Variants in PREX2 observed in about 807,000 individuals in gnomAD.
The protein encoded by PREX2 is phosphatidylinositol-3,4,5-trisphosphate dependent Rac exchange factor 2.
PREX2 carries 107 observed loss-of-function variants against 203.2 expected under a neutral mutation model. The observed-to-expected ratio is 0.53, with a 90% CI of 0.45 to 0.62. PREX2 has a LOEUF of 0.62. Among genes scored for constraint, PREX2 ranks in the 20% least tolerant of loss-of-function variants. The probability of loss-of-function intolerance (pLI) is 0.00; values close to 1 mark genes in which losing one functional copy is unlikely to be tolerated. For missense variants in PREX2, 1,777 were observed against 1,955.9 expected (o/e 0.91, Z 1.72); for synonymous variants, 672 against 663.6 (o/e 1.01, Z -0.19).
intron 1 of PREX2, among the ~76,000 whole-genome samples, chr8:67,986,254 C>T (rs1325147003): frequency 6.6e-6 from 1 of 152,204 alleles, no homozygotes; most frequent in Non-Finnish European, 1.5e-5. Context: ...AGAGAGTAGG[C>T]ACTCTTATAG....
At chr8:68,145,506 G>T (rs1811307627) in intron 33 of PREX2, among the ~76,000 whole-genome samples, 1 of 152,122 alleles carries the variant, frequency 6.6e-6, no homozygotes, top group East Asian at 1.9e-4. Flanking sequence ...TGGTTATTAT[G>T]ACTATTCAGC....
chr8:68,055,869 T>C lies in PREX2; in HGVS notation c.1133T>C (p.Ile378Thr). 1 of 1,613,694 alleles carries C rather than the reference T, an allele frequency of 6.2e-7. No homozygotes were observed. Among genetic ancestry groups the C allele is most frequent in the Non-Finnish European group, 8.5e-7 (1 of 1,179,744 alleles). Residue 378 changes from isoleucine (I) to threonine (T), a missense_variant, in exon 10 of 40, where the codon ATC becomes ACC. Coordinates refer to ENST00000288368, the MANE Select transcript of PREX2 (RefSeq NM_024870.4). ...LGMEQDTWVMISEQGEKLYKM... is the reference protein window; with the variant it reads ...LGMEQDTWVMTSEQGEKLYKM... The stretch of plus-strand genomic sequence containing the variant: ...ATGGAGCAAGATACCTGGGTCATGA[T>C]CTCTGAACAGGGTGAGAAACTTTAT...
intron 14 of PREX2, among the ~76,000 whole-genome samples, chr8:68,073,541 T>G (rs1357913285): frequency 6.6e-6 from 1 of 152,208 alleles, no homozygotes; most frequent in Non-Finnish European, 1.5e-5. Context: ...TTAATATTAT[T>G]TTTAGGCTGT....
chr8:68,143,846 A>C (rs1426733545), intron 33 of PREX2, among the ~76,000 whole-genome samples: 1 of 152,148 alleles, frequency 6.6e-6, no homozygotes, highest in Non-Finnish European at 1.5e-5. Flanking sequence ...TCTATAATTC[A>C]TTTTGGGTTA....
chr8:68,014,448 G>A lies in PREX2; in HGVS notation c.142-3398G>A, dbSNP rs565676898. ...GCAAGCTGAAAGATCCTCGGGGTGC[G>A]GGGGGGGCGGCATATGTGAGAGCCT... On this transcript the variant is annotated intron_variant, in intron 1 of 39. Transcript: ENST00000288368. Among the ~76,000 whole-genome samples, 8 of 148,102 alleles carry A rather than the reference G, an allele frequency of 5.4e-5. No individual in the cohort carries two copies. The East Asian group carries it at 1.2e-3, about 22-fold the overall frequency.
At chr8:68,002,568 A>G (rs1483962812) in intron 1 of PREX2, among the ~76,000 whole-genome samples, 1 of 152,134 alleles carries the variant, frequency 6.6e-6, no homozygotes, top group African/African-American at 2.4e-5. Flanking sequence ...ATGTGAACTT[A>G]TTGGTAATTT....
At chr8:67,972,224 A>T (rs2129019231) in intron 1 of PREX2, among the ~76,000 whole-genome samples, 1 of 152,298 alleles carries the variant, frequency 6.6e-6, no homozygotes, top group East Asian at 1.9e-4. Flanking sequence ...GATTGCAGTA[A>T]TTTCTGTAAT....
In PREX2 at chr8:67,965,428, A is replaced by G. The variant is rs1327596349; in HGVS notation, c.141+12893A>G. Among the ~76,000 whole-genome samples, 9 of 152,132 alleles carry G rather than the reference A, an allele frequency of 5.9e-5. No individual in the cohort carries two copies. In the East Asian group the frequency reaches 1.5e-3, roughly 26 times the overall value. Reference sequence around the variant, plus strand: ...TTTATCCTATATATGATCAAATCACAAGACATTTGAGGCAAAGATATAAAA... The same window carrying G: ...TTTATCCTATATATGATCAAATCACGAGACATTTGAGGCAAAGATATAAAA... On this transcript the variant is annotated intron_variant, in intron 1 of 39. Coordinates refer to ENST00000288368, the MANE Select transcript of PREX2 (RefSeq NM_024870.4).
intron 1 of PREX2, among the ~76,000 whole-genome samples, chr8:67,978,881 A>G (rs905375148): frequency 6.6e-6 from 1 of 152,218 alleles, no homozygotes; most frequent in East Asian, 1.9e-4. Context: ...CAAGAAATAT[A>G]TGCTGATTGA....
chr8:68,153,370 G>A (rs190533086), intron 34 of PREX2, among the ~76,000 whole-genome samples: 44 of 152,250 alleles, frequency 2.9e-4, no homozygotes, highest in African/African-American at 8.7e-4. Context: ...AATGTAGCCC[G>A]CTTCAGTCTA....
chr8:68,037,353 T>C lies in PREX2; in HGVS notation c.706-806T>C, dbSNP rs1431654564. ...AACTCAGTGCATTAGTTATGATAGA[T>C]TAGGTTGTAAAAACAAATAGACTAT... On this transcript the variant is annotated intron_variant, in intron 6 of 39. Transcript: ENST00000288368. 2.0e-5 allele frequency among the ~76,000 whole-genome samples: 3 copies of C among 152,136 alleles called. No individual in the cohort carries two copies. The East Asian group carries it at 5.8e-4, about 29-fold the overall frequency.
intron 35 of PREX2, among the ~76,000 whole-genome samples, chr8:68,185,577 G>GTCTTCT (rs1563578599): frequency 6.6e-6 from 1 of 152,044 alleles, no homozygotes; most frequent in Non-Finnish European, 1.5e-5. Flanking sequence ...ATAAATACCT[G>GTCTTCT]TGTATTTGTC....
intron 23 of PREX2, chr8:68,100,122 G>A (rs765629217): frequency 1.1e-5 from 6 of 565,250 alleles, no homozygotes; most frequent in Non-Finnish European, 2.1e-5. Context: ...ATAGAGCTGG[G>A]CATTGAGTGC....
intron 1 of PREX2, among the ~76,000 whole-genome samples, chr8:68,006,840 G>A (rs991502010): frequency 6.6e-6 from 1 of 152,142 alleles, no homozygotes; most frequent in Non-Finnish European, 1.5e-5. Flanking sequence ...GGGATATTTG[G>A]GATTTTGCAG....
chr8:68,105,632 T>G (rs1373964576), intron 23 of PREX2: 4 of 983,746 alleles, frequency 4.1e-6, no homozygotes, highest in African/African-American at 3.6e-5. Flanking sequence ...ATATATACAG[T>G]CATGCACTGC....
At chr8:68,054,927 C>T (rs1358184838) in intron 9 of PREX2, among the ~76,000 whole-genome samples, 1 of 152,220 alleles carries the variant, frequency 6.6e-6, no homozygotes, top group Non-Finnish European at 1.5e-5. Flanking sequence ...TCTCTTTCTT[C>T]CATGCCCACA....
intron 1 of PREX2, among the ~76,000 whole-genome samples, chr8:68,012,846 C>G (rs920645435): frequency 1.7e-4 from 26 of 152,178 alleles, no homozygotes; most frequent in Admixed American, 1.7e-3. Context: ...CCGGACAGTC[C>G]TTCACTACAA....
Position 68,182,020 on chromosome 8 carries a change from G to A in PREX2, c.4347-9702G>A, listed in dbSNP as rs145277482. Among the ~76,000 whole-genome samples the A allele has an allele frequency of 2.3e-3, 347 of 152,124 alleles. 5 individuals carry two copies. Among genetic ancestry groups the A allele is most frequent in the African/African-American group, 7.7e-3 (320 of 41,532 alleles). On this transcript the variant is annotated intron_variant, in intron 35 of 39. Coordinates refer to ENST00000288368, the MANE Select transcript of PREX2 (RefSeq NM_024870.4). ...AAAACTACTGACTTGAAAGATACAGGCAAAGTTTGAGTGAGGAGGTGATGT... is the reference window on the plus strand; with the variant it reads ...AAAACTACTGACTTGAAAGATACAGACAAAGTTTGAGTGAGGAGGTGATGT...
At chr8:68,180,539 A>T (rs185077863) in intron 35 of PREX2, among the ~76,000 whole-genome samples, 3 of 152,138 alleles carry the variant, frequency 2.0e-5, no homozygotes, top group Admixed American at 1.3e-4. Context: ...AAAGTTTCAA[A>T]GTGTGAATAG....
Sources: gnomAD v4.1 joint callset for allele counts (sites outside exome capture counted in the v4.1 genomes callset) on GRCh38, gnomAD v4.1.1 for gene constraint, MANE v1.5 for transcripts, NCBI Gene and HGNC (gene_info 2026-07-23, HGNC 2026-07-21) for gene names.